PHF20L1: variants seen among roughly 807,000 people sequenced by gnomAD.
PHF20L1 encodes PHD finger protein 20 like 1, also known as PHD finger protein 20-like protein 1.
In PHF20L1, 44 loss-of-function variants were observed where a neutral mutation model predicts 125.5. That is an observed-to-expected ratio of 0.35 (90% CI 0.28 to 0.45). The LOEUF (loss-of-function observed/expected upper bound fraction) is 0.45. Among genes scored for constraint, PHF20L1 ranks in the 20% least tolerant of loss-of-function variants. The pLI, the probability that PHF20L1 is intolerant of heterozygous loss-of-function variation, is 1.00. For missense variants in PHF20L1, 1,012 were observed against 1,217.2 expected, an observed-to-expected ratio of 0.83 and a Z score of 2.51; for synonymous variants, 380 against 403.1, an observed-to-expected ratio of 0.94 and a Z score of 0.69.
intron 20 of PHF20L1, among the ~76,000 whole-genome samples, chr8:132,845,380 G>A (rs939683638): frequency 5.3e-5 from 8 of 151,956 alleles, no homozygotes; most frequent in Admixed American, 2.6e-4. Context: ...TAGAGATGAC[G>A]AGTCTAAATT....
intron 14 of PHF20L1, 103 bp downstream of exon 14, chr8:132,825,474 C>T (rs926402222): frequency 3.2e-6 from 3 of 924,836 alleles, no homozygotes; most frequent in African/African-American, 1.7e-5. Context: ...ATCCCCGTGT[C>T]CCGTGTTGAG....
At chr8:132,815,060 ATTT>A in intron 10 of PHF20L1, 171 bp downstream of exon 10, 1 of 518,990 alleles carries the variant, frequency 1.9e-6, no homozygotes, top group Non-Finnish European at 3.4e-6. Context: ...TTTCTTACTG[ATTT>A]ATTGCTTAGA....
At chr8:132,806,747 A>G (rs1407505866) in intron 8 of PHF20L1, 1 of 152,052 alleles carries the variant, frequency 6.6e-6, no homozygotes, top group Non-Finnish European at 1.5e-5. Flanking sequence ...TTGTTATGGC[A>G]TTATGGTATA....
chr8:132,825,429 TC>T, intron 14 of PHF20L1, 58 bp downstream of exon 14: 2 of 1,357,364 alleles, frequency 1.5e-6, no homozygotes, highest in Non-Finnish European at 1.9e-6. Context: ...TTCCTTTGAT[TC>T]CCCTTTTCTT....
Position 132,805,342 on chromosome 8 carries a change from A to G in PHF20L1, c.847+602A>G, listed in dbSNP as rs556929167. Among the ~76,000 whole-genome samples the G allele has an allele frequency of 1.3e-3, 192 of 152,058 alleles. 1 individual carries two copies. Among genetic ancestry groups the G allele is most frequent in the African/African-American group, 4.5e-3 (187 of 41,530 alleles). On this transcript the variant is annotated intron_variant, in intron 8 of 20. Coordinates refer to ENST00000395386, the MANE Select transcript of PHF20L1 (RefSeq NM_016018.5). ...TAGGAAATAGCAGTGTTAGGCTGTT[A>G]GAAAACACTGAAAATTCTAGCCTGG...
Position 132,847,256 on chromosome 8 carries a change from G to A in PHF20L1, c.*1333G>A, listed in dbSNP as rs1682057071. The stretch of plus-strand genomic sequence containing the variant: ...ATTACTATAGACTATACGAATTGGT[G>A]GTTAACATGAAATGTTACCTTTTAA... On this transcript the variant is annotated 3_prime_UTR_variant, in exon 21 of 21. Transcript: ENST00000395386. 1 of 152,400 alleles carries A rather than the reference G, an allele frequency of 6.6e-6. No individual in the cohort carries two copies. Among genetic ancestry groups the A allele is most frequent in the African/African-American group, 2.4e-5 (1 of 41,368 alleles). 9.4% of individuals were successfully genotyped at this position (152,400 alleles called of 1,614,324 possible).
chr8:132,784,142 T>C (rs2131345956), intron 2 of PHF20L1, among the ~76,000 whole-genome samples: 1 of 152,292 alleles, frequency 6.6e-6, no homozygotes, highest in South Asian at 2.1e-4. Context: ...AAGCATGATT[T>C]AGGGACAGAG....
chr8:132,845,722 A>G (rs1184557214), intron 20 of PHF20L1, 59 bp from the exon 21 acceptor site: 5 of 1,234,194 alleles, frequency 4.1e-6, no homozygotes, highest in Non-Finnish European at 6.0e-6. Context: ...TGATTGTTTC[A>G]TTTTCTGACT....
chr8:132,839,604 G>T (rs772080333), intron 18 of PHF20L1, 22 bp downstream of exon 18: 46 of 1,575,914 alleles, frequency 2.9e-5, no homozygotes, highest in Non-Finnish European at 3.6e-5. Context: ...GCAGCAAAGG[G>T]AGGGTCACAC....
intron 8 of PHF20L1, among the ~76,000 whole-genome samples, chr8:132,805,306 ATAGTT>A (rs1264673412): frequency 2.0e-5 from 3 of 151,724 alleles, no homozygotes; most frequent in African/African-American, 4.8e-5. Flanking sequence ...ATGATTTCTT[ATAGTT>A]TAGTTTAGGA....
At chr8:132,788,425 A>G (rs187286118) in intron 2 of PHF20L1, among the ~76,000 whole-genome samples, 2 of 152,270 alleles carry the variant, frequency 1.3e-5, no homozygotes, top group East Asian at 3.9e-4. Flanking sequence ...TCAAATAATT[A>G]GTTAAATCCT....
rs145396383 is a variant in PHF20L1, at chr8:132,844,206, C to T, written c.2799C>T (p.Thr933=). 2.0e-4 allele frequency: 317 copies of T among 1,612,748 alleles called. 1 individual carries two copies. In the East Asian group the frequency reaches 6.8e-3, roughly 34 times the overall value. Residue 933 remains threonine, a synonymous_variant, in exon 20 of 21, where the codon ACC becomes ACT. Transcript: ENST00000395386. ...TVFVYNDKKG[T]EDPGDSHLQW... is the part of the protein sequence containing the mutation. ...TTGTTTATAATGATAAAAAGGGCAC[C>T]GAAGACCCAGGAGACTCACATCTTC...
chr8:132,823,528 A>G (rs928882886), intron 12 of PHF20L1, among the ~76,000 whole-genome samples: 5 of 151,974 alleles, frequency 3.3e-5, no homozygotes, highest in Admixed American at 6.6e-5. Flanking sequence ...GGTTAGACCC[A>G]TATTTATGCT....
At chr8:132,827,563 A>G (rs970946833) in intron 14 of PHF20L1, among the ~76,000 whole-genome samples, 1 of 152,054 alleles carries the variant, frequency 6.6e-6, no homozygotes, top group Non-Finnish European at 1.5e-5. Context: ...AGCTGATACA[A>G]AACAAAATAA....
At chr8:132,777,578 C>T (rs1470570177) in intron 1 of PHF20L1, among the ~76,000 whole-genome samples, 1 of 152,120 alleles carries the variant, frequency 6.6e-6, no homozygotes, top group Non-Finnish European at 1.5e-5. Flanking sequence ...TGTTCTTTTT[C>T]TTAAATCATT....
intron 12 of PHF20L1, among the ~76,000 whole-genome samples, chr8:132,823,108 T>A (rs963919785): frequency 3.9e-5 from 6 of 152,012 alleles, no homozygotes; most frequent in Admixed American, 3.3e-4. Flanking sequence ...ACCTATGTTT[T>A]ATTGGAATAT....
intron 20 of PHF20L1, 80 bp from the exon 21 acceptor site, chr8:132,845,701 C>A: frequency 1.0e-6 from 1 of 1,001,564 alleles, no homozygotes; most frequent in Non-Finnish European, 1.6e-6. Context: ...TCCATCACAG[C>A]TCCAACTTTC....
At chr8:132,821,979 T>C (rs1351026265) in intron 12 of PHF20L1, among the ~76,000 whole-genome samples, 5 of 152,040 alleles carry the variant, frequency 3.3e-5, no homozygotes, top group African/African-American at 1.2e-4. Context: ...ACTAAACTTA[T>C]TTTTCTTGTT....
chr8:132,804,138 A>G (rs1214484683), intron 7 of PHF20L1, 106 bp downstream of exon 7: 1 of 762,310 alleles, frequency 1.3e-6, no homozygotes, highest in Non-Finnish European at 2.1e-6. Context: ...TTAAATTTGT[A>G]GGCTTTTGAC....
Sources: gnomAD v4.1 joint callset for allele counts (sites outside exome capture counted in the v4.1 genomes callset) on GRCh38, gnomAD v4.1.1 for gene constraint, MANE v1.5 for transcripts, NCBI Gene and HGNC (gene_info 2026-07-23, HGNC 2026-07-21) for gene names.